The following STK36 variants were observed in gnomAD, a reference collection of about 807,000 sequenced individuals.
STK36 encodes serine/threonine-protein kinase 36.
In STK36, 116 loss-of-function variants were observed where a neutral mutation model predicts 142.2. The ratio of observed to expected loss-of-function variants is 0.82; its 90% CI spans 0.70 to 0.95. The LOEUF (loss-of-function observed/expected upper bound fraction) is 0.95. Ranked by LOEUF, STK36 falls within the 40% of genes least tolerant of loss-of-function variation. The pLI is 0.00. For missense variants in STK36, 1,422 were observed against 1,617.2 expected, an observed-to-expected ratio of 0.88 and a Z score of 2.07; for synonymous variants, 619 against 641.7, an observed-to-expected ratio of 0.96 and a Z score of 0.53.
At chr2:218,676,863 C>A (rs1028882250) in intron 6 of STK36, among the ~76,000 whole-genome samples, 14 of 151,948 alleles carry the variant, frequency 9.2e-5, no homozygotes, top group African/African-American at 3.4e-4. Context: ...TGTTAGCCAG[C>A]ATGGTCTTGA....
Position 218,684,106 on chromosome 2 carries a change from CTTTTTTTTTT to C in STK36, c.1237-966_1237-957del, listed in dbSNP as rs35807157. 7.6e-5 allele frequency among the ~76,000 whole-genome samples: 8 copies of C among 105,176 alleles called. No individual in the cohort carries two copies. The South Asian group carries it at 2.1e-3, about 27-fold the overall frequency. 69.0% of individuals were successfully genotyped at this position (105,176 alleles called of 152,430 possible). On this transcript the variant is annotated intron_variant, in intron 10 of 26. Transcript: ENST00000295709. Reference sequence around the variant, plus strand: ...GAGCTAATGTGCCCAGCCTCACGATCTTTTTTTTTTTTTTTTTTTTTTGAGACAGAGTTTC... The same window carrying C: ...GAGCTAATGTGCCCAGCCTCACGATCTTTTTTTTTTTTGAGACAGAGTTTC...
chr2:218,672,478 T>C, intron 1 of STK36: 1 of 307,102 alleles, frequency 3.3e-6, no homozygotes, highest in South Asian at 3.4e-5. Context: ...GCAGGGTTGG[T>C]TGGGCGAGGC....
In STK36 at chr2:218,697,590, C is replaced by G; in HGVS notation, c.2889C>G (p.Phe963Leu). ...SILKHLLCPS[F>L]LNQLRQAPHG... ...TGAAGCATCTGCTTTGCCCCAGCTT[C>G]CTGAATCAACTGCGCCAGGCGTGAG... The change falls in exon 24 of 27, where the codon TTC becomes TTG. Residue 963 changes from phenylalanine (F) to leucine (L), a missense_variant. Phe to Leu is a conservative substitution (Grantham distance 22). Coordinates refer to ENST00000295709, the MANE Select transcript of STK36 (RefSeq NM_015690.5). 1.9e-6 allele frequency: 3 copies of G among 1,614,184 alleles called. No individual in the cohort carries two copies. The highest frequency in any genetic ancestry group is 2.5e-6 in the Non-Finnish European group (3 of 1,180,048).
chr2:218,690,350 C>T lies in STK36; in HGVS notation c.1659-100C>T. 5 of 942,496 alleles carry T rather than the reference C, an allele frequency of 5.3e-6. No individual in the cohort carries two copies. In the South Asian group the frequency reaches 6.6e-5, roughly 12 times the overall value. 58.4% of individuals were successfully genotyped at this position (942,496 alleles called of 1,614,324 possible). ...AAGGGAGGAACATTCTGATGTGTCC[C>T]TTTGCAGAGATTCTCCTACCTGCCC... is the stretch of plus-strand genomic sequence containing the variant. On this transcript the variant is annotated intron_variant, in intron 13 of 26. Coordinates refer to ENST00000295709, the MANE Select transcript of STK36 (RefSeq NM_015690.5).
Position 218,697,607 on chromosome 2 carries a change from A to G in STK36, c.2906A>G (p.Gln969Arg). 1 of 1,614,174 alleles carries G rather than the reference A, an allele frequency of 6.2e-7. No homozygotes were observed. The highest frequency in any genetic ancestry group is 1.3e-5 in the African/African-American group (1 of 75,062). The change falls in exon 24 of 27, where the codon CAG becomes CGG. Residue 969 changes from glutamine to arginine, a missense_variant. Around this residue, in one of 2 missense-constraint regions of STK36, gnomAD observed 962 missense variants for 1,167.5 expected, o/e 0.82. Transcript: ENST00000295709. Reference sequence around the variant, plus strand: ...CCCAGCTTCCTGAATCAACTGCGCCAGGCGTGAGTTTGAGCTAGAAGAGAG... The same window carrying G: ...CCCAGCTTCCTGAATCAACTGCGCCGGGCGTGAGTTTGAGCTAGAAGAGAG... ...LCPSFLNQLR[Q>R]APHGSEFLPV...
intron 11 of STK36, chr2:218,688,465 A>G: frequency 3.4e-6 from 2 of 596,598 alleles, no homozygotes; most frequent in South Asian, 3.4e-5. Context: ...AGAGGCCCCT[A>G]TCCGTTGGTC....
At chr2:218,682,958 G>A (rs1327976021) in intron 10 of STK36, among the ~76,000 whole-genome samples, 1 of 151,932 alleles carries the variant, frequency 6.6e-6, no homozygotes, top group Non-Finnish European at 1.5e-5. Context: ...GTCTTTCTTT[G>A]TATTTTATGA....
In STK36 at chr2:218,673,897, T is replaced by A. The variant is rs1940108157; in HGVS notation, c.244T>A (p.Tyr82Asn). The change falls in exon 4 of 27, where the codon TAT (tyrosine) becomes AAT (asparagine). Residue 82 changes from tyrosine to asparagine, a missense_variant. Tyr to Asn is a moderately radical substitution (Grantham distance 143, BLOSUM62 -2). Transcript: ENST00000295709. Reference protein sequence around the residue: ...TDKEVVVVTDYAEGELFQILE... With the variant: ...TDKEVVVVTDNAEGELFQILE... ...TCTGTAGGTGGTGGTGGTGACAGAC[T>A]ATGCTGAGGGAGAGCTCTTTCAGAT... The A allele has an allele frequency of 6.2e-7, 1 of 1,614,076 alleles. No individual in the cohort carries two copies. Among genetic ancestry groups the A allele is most frequent in the South Asian group, 1.1e-5 (1 of 91,076 alleles).
Position 218,691,985 on chromosome 2 carries a change from A to G in STK36, c.1765-158A>G, listed in dbSNP as rs551969116. On this transcript the variant is annotated intron_variant, in intron 14 of 26. Coordinates refer to ENST00000295709, the MANE Select transcript of STK36 (RefSeq NM_015690.5). ...TTGTCCTTGAAGCATGAATGAAAGC[A>G]GTTCTAATGCATTTTTGGTGTGAAG... 2.0e-5 allele frequency among the ~76,000 whole-genome samples: 3 copies of G among 152,390 alleles called. No individual in the cohort carries two copies. The East Asian group carries it at 5.8e-4, about 29-fold the overall frequency.
chr2:218,675,123 A>C (rs1940174951), intron 4 of STK36, among the ~76,000 whole-genome samples: 1 of 152,134 alleles, frequency 6.6e-6, no homozygotes, highest in Non-Finnish European at 1.5e-5. Flanking sequence ...GGTCAAGCAG[A>C]TAGTAAATGA....
intron 15 of STK36, 136 bp downstream of exon 15, chr2:218,692,429 G>C: frequency 1.3e-6 from 2 of 1,486,756 alleles, no homozygotes; most frequent in Non-Finnish European, 1.8e-6. Context: ...CTGAGAGAAT[G>C]AATGGGGATC....
At position 218,694,931 on chromosome 2, in the gene STK36, C is replaced by T. The variant is rs958391264; in HGVS notation, c.2511+296C>T. 2.0e-5 allele frequency among the ~76,000 whole-genome samples: 3 copies of T among 152,178 alleles called. No homozygotes were observed. The highest frequency in any genetic ancestry group is 2.9e-5 in the Non-Finnish European group (2 of 68,024). Reference sequence around the variant, plus strand: ...CTGAGTAGTGTGAGAACCCTGCCTGCTTCGTTCTCCTCCTCCAGAAGCTCA... The same window carrying T: ...CTGAGTAGTGTGAGAACCCTGCCTGTTTCGTTCTCCTCCTCCAGAAGCTCA... On this transcript the variant is annotated intron_variant, in intron 21 of 26. Coordinates refer to ENST00000295709, the MANE Select transcript of STK36 (RefSeq NM_015690.5). The surrounding 1 kb of genome is among the most constrained non-coding windows in gnomAD (Gnocchi z 4.4).
chr2:218,673,258 C>A (rs763542982), intron 2 of STK36: 42 of 361,696 alleles, frequency 1.2e-4, no homozygotes, highest in Non-Finnish European at 1.3e-4. Context: ...TAGTAAACAA[C>A]AAATATTATT....
rs1403739559 is a variant in STK36 at position 218,693,743 on chromosome 2, T to C, written c.2169T>C (p.Leu723=). 12 of 1,614,148 alleles carry C rather than the reference T, an allele frequency of 7.4e-6. No individual in the cohort carries two copies. The highest frequency in any genetic ancestry group is 1.0e-5 in the Non-Finnish European group (12 of 1,180,052). The part of the protein sequence containing the change: ...HLLKVLYSCC[L]VSEGLCRLLG... Reference sequence around the variant, plus strand: ...CTCAGGTTCTATACTCCTGCTGCCTTGTCAGTGAGGGCCTGTGCCGTCTTC... The same window carrying C: ...CTCAGGTTCTATACTCCTGCTGCCTCGTCAGTGAGGGCCTGTGCCGTCTTC... The change falls in exon 18 of 27, where the codon CTT becomes CTC. Residue 723 remains leucine, a synonymous_variant. Coordinates refer to ENST00000295709, the MANE Select transcript of STK36 (RefSeq NM_015690.5).
In STK36 at chr2:218,694,476, A is replaced by T; in HGVS notation, c.2401-49A>T. ...CATAAATCCTCTCTGCCTGTCCTGAATGCCATTTAGATTTGGACATTCTTT... is the reference window on the plus strand; with the variant it reads ...CATAAATCCTCTCTGCCTGTCCTGATTGCCATTTAGATTTGGACATTCTTT... On this transcript the variant is annotated intron_variant, in intron 20 of 26. Transcript: ENST00000295709. This position sits in a 1 kb window ranked among gnomAD's most constrained non-coding sequence, Gnocchi z 4.4. 2 of 1,583,942 alleles carry T rather than the reference A, an allele frequency of 1.3e-6. No individual in the cohort carries two copies. The highest frequency in any genetic ancestry group is 1.7e-6 in the Non-Finnish European group (2 of 1,152,736).
Position 218,698,762 on chromosome 2 carries a change from A to G in STK36, c.3218A>G (p.Asp1073Gly), listed in dbSNP as rs769350446. The G allele has an allele frequency of 6.2e-7, 1 of 1,613,268 alleles. No individual in the cohort carries two copies. The highest frequency in any genetic ancestry group is 2.2e-5 in the East Asian group (1 of 44,884). Residue 1073 changes from aspartate to glycine, a missense_variant, in exon 26 of 27, where the codon GAC becomes GGC. By Grantham distance (94) the Asp-to-Gly change is moderately conservative. Around this residue, in one of 2 missense-constraint regions of STK36, gnomAD observed 962 missense variants for 1,167.5 expected, o/e 0.82. Coordinates refer to ENST00000295709, the MANE Select transcript of STK36 (RefSeq NM_015690.5). The stretch of plus-strand genomic sequence containing the variant: ...TTTCTCTCAGTTGCCCTCCTGAGTG[A>G]CCAGCCACTGTTGACCTCCGACCTT... The part of the protein sequence containing the change: ...VSFLSVALLS[D>G]QPLLTSDLLS...
chr2:218,695,703 T>A (rs1290572437), intron 21 of STK36, among the ~76,000 whole-genome samples: 1 of 149,132 alleles, frequency 6.7e-6, no homozygotes, highest in Admixed American at 6.7e-5. Context: ...CTGGCTAATT[T>A]TTTTGTGTGT....
intron 23 of STK36, 53 bp from the exon 24 acceptor site, chr2:218,697,410 G>T (rs1194042019): frequency 1.9e-6 from 3 of 1,599,566 alleles, no homozygotes; most frequent in East Asian, 4.5e-5. Flanking sequence ...GGGAAGCAGG[G>T]GTATCTGGGC....
chr2:218,696,750 C>T, intron 22 of STK36, 149 bp downstream of exon 22: 1 of 950,530 alleles, frequency 1.1e-6, no homozygotes, highest in Non-Finnish European at 1.7e-6. Flanking sequence ...TCCCCGCCTG[C>T]CCTCAGTACT....
Sources: allele counts gnomAD v4.1 joint callset (sites outside exome capture counted in the v4.1 genomes callset), GRCh38; gene constraint gnomAD v4.1.1; regional missense constraint gnomAD v4.1.1; non-coding constraint Gnocchi (gnomAD v3.1); transcripts MANE v1.5; gene names NCBI Gene and HGNC (gene_info 2026-07-23, HGNC 2026-07-21).